Variants in COL24A1 observed in about 807,000 individuals in gnomAD.
COL24A1 encodes collagen type XXIV alpha 1 chain, also known as collagen alpha-1(XXIV) chain.
Under a neutral mutation model 253.9 loss-of-function variants are expected in COL24A1, and 224 were observed. The ratio of observed to expected loss-of-function variants is 0.88; its 90% CI spans 0.79 to 0.99. The LOEUF (loss-of-function observed/expected upper bound fraction) is 0.99, where lower values mean the gene tolerates loss of function less well. COL24A1 is among the 50% of genes least tolerant of loss of function. The probability of loss-of-function intolerance (pLI) is 0.00; values close to 1 mark genes in which losing one functional copy is unlikely to be tolerated. For synonymous variants in COL24A1, 685 were observed against 673.7 expected, an observed-to-expected ratio of 1.02 and a Z score of -0.26; for missense variants, 2,131 against 2,068.5, an observed-to-expected ratio of 1.03 and a Z score of -0.59.
intron 47 of COL24A1, among the ~76,000 whole-genome samples, chr1:85,808,414 G>A (rs1329035572): frequency 1.3e-5 from 2 of 152,174 alleles, no homozygotes; most frequent in African/African-American, 4.8e-5. Flanking sequence ...ATAGCCACTG[G>A]CAACAACAGC....
rs963281417 is a variant in COL24A1, at chr1:85,932,472, C to G, written c.2563-21039G>C. ...GAGAGGATGCGGAGAAATAGGAACA[C>G]TTTTACACTGTTGGTGGGACTGTAA... On this transcript the variant is annotated intron_variant, in intron 24 of 59. Transcript: ENST00000370571. Among the ~76,000 whole-genome samples, 14 of 120,004 alleles carry G rather than the reference C, an allele frequency of 1.2e-4. 1 individual carries two copies. Among genetic ancestry groups the G allele is most frequent in the African/African-American group, 2.1e-4 (6 of 28,866 alleles). The allele number at this position is 120,004 out of a possible 152,430, so 78.7% of individuals were successfully genotyped here. A position where few individuals can be genotyped will look rare whatever the true frequency, so the allele number is the denominator to read the frequency against.
At chr1:85,820,547 T>C (rs975725322) in intron 45 of COL24A1, among the ~76,000 whole-genome samples, 1 of 152,170 alleles carries the variant, frequency 6.6e-6, no homozygotes, top group Non-Finnish European at 1.5e-5. Context: ...AAAGTGATGA[T>C]GTGCATTTCA....
At chr1:85,739,080 C>G (rs1557941469) in intron 57 of COL24A1, among the ~76,000 whole-genome samples, 1 of 152,068 alleles carries the variant, frequency 6.6e-6, no homozygotes, top group East Asian at 1.9e-4. Context: ...CATTCCTAGT[C>G]CCTTATCTTC....
chr1:86,016,888 G>GT (rs1697041523), intron 19 of COL24A1, among the ~76,000 whole-genome samples: 1 of 152,120 alleles, frequency 6.6e-6, no homozygotes. Context: ...TCAAGTACTT[G>GT]TTATTAATAG....
chr1:85,981,825 A>G (rs1465281323), intron 20 of COL24A1, among the ~76,000 whole-genome samples: 1 of 152,180 alleles, frequency 6.6e-6, no homozygotes. Context: ...TGGGCTAAAA[A>G]TTGGAGAAAG....
chr1:85,783,444 G>C (rs374792926), intron 51 of COL24A1, 52 bp downstream of exon 51: 2 of 1,468,118 alleles, frequency 1.4e-6, no homozygotes, highest in African/African-American at 2.8e-5. Context: ...CTTAAGCCCT[G>C]CAGTAAGCAA....
chr1:85,882,638 A>T (rs982611664), intron 32 of COL24A1, among the ~76,000 whole-genome samples: 1 of 152,160 alleles, frequency 6.6e-6, no homozygotes, highest in African/African-American at 2.4e-5. Flanking sequence ...TAGTTGACTT[A>T]CGGTACTAAC....
chr1:85,754,079 C>T (rs1299781427), intron 55 of COL24A1, among the ~76,000 whole-genome samples: 1 of 6,236 alleles, frequency 1.6e-4, no homozygotes, highest in Admixed American at 1.2e-3. Context: ...TATAAAGACA[C>T]ATGCACACGT....
intron 47 of COL24A1, among the ~76,000 whole-genome samples, chr1:85,803,307 G>C (rs1205289234): frequency 1.3e-5 from 2 of 151,942 alleles, no homozygotes; most frequent in South Asian, 4.2e-4. Context: ...GCATGCACCT[G>C]TAATCCCAGC....
chr1:86,135,241 G>A (rs916703772), intron 2 of COL24A1, among the ~76,000 whole-genome samples: 1 of 151,930 alleles, frequency 6.6e-6, no homozygotes, highest in African/African-American at 2.4e-5. Flanking sequence ...GCCTATGTGT[G>A]TCTCTGCACG....
At chr1:85,866,068 G>A (rs1359305409) in intron 37 of COL24A1, among the ~76,000 whole-genome samples, 2 of 152,148 alleles carry the variant, frequency 1.3e-5, no homozygotes, top group Non-Finnish European at 1.5e-5. Flanking sequence ...TTTGAGAACA[G>A]CCTGGCCAAC....
chr1:86,153,454 G>A (rs1258044267), intron 1 of COL24A1, among the ~76,000 whole-genome samples: 1 of 152,180 alleles, frequency 6.6e-6, no homozygotes, highest in Non-Finnish European at 1.5e-5. Context: ...ACAGAATAAT[G>A]TTAGCCTTTT....
intron 5 of COL24A1, among the ~76,000 whole-genome samples, chr1:86,102,592 TAGTTTCAA>T (rs1281103382): frequency 2.0e-5 from 3 of 152,216 alleles, no homozygotes; most frequent in African/African-American, 7.2e-5. Context: ...TTGTTCTCAT[TAGTTTCAA>T]AGAACTTCTT....
intron 2 of COL24A1, among the ~76,000 whole-genome samples, chr1:86,141,743 C>A (rs1651118201): frequency 6.6e-6 from 1 of 151,504 alleles, no homozygotes; most frequent in Non-Finnish European, 1.5e-5. Flanking sequence ...CTCTGTCAGC[C>A]AGGCTGGAGT....
chr1:85,805,963 C>T (rs1051588509), intron 47 of COL24A1, among the ~76,000 whole-genome samples: 1 of 151,416 alleles, frequency 6.6e-6, no homozygotes, highest in African/African-American at 2.4e-5. Context: ...GTAGTCCCAG[C>T]TACTCTGGAG....
intron 19 of COL24A1, among the ~76,000 whole-genome samples, chr1:86,013,310 A>T (rs778703193): frequency 6.6e-6 from 1 of 152,206 alleles, no homozygotes. Context: ...ATGCTTTCAC[A>T]TTGTAACATC....
Position 85,944,793 on chromosome 1 carries a change from C to T in COL24A1, c.2562+16456G>A, listed in dbSNP as rs1571318615. On this transcript the variant is annotated intron_variant, in intron 24 of 59. Coordinates refer to ENST00000370571, the MANE Select transcript of COL24A1 (RefSeq NM_152890.7). ...TCCCCAGAGTGTGATGTTCCCCTTC[C>T]TGTGTCCATGTGTTCTCATTGTTCA... 3.3e-5 allele frequency among the ~76,000 whole-genome samples: 5 copies of T among 151,896 alleles called. No individual in the cohort carries two copies. In the South Asian group the frequency reaches 1.0e-3, roughly 32 times the overall value.
chr1:85,994,500 G>A (rs762370369), intron 19 of COL24A1, among the ~76,000 whole-genome samples: 3 of 151,632 alleles, frequency 2.0e-5, no homozygotes, highest in Non-Finnish European at 2.9e-5. Flanking sequence ...GAGGGAGAGA[G>A]GTTTTGTAAG....
intron 19 of COL24A1, among the ~76,000 whole-genome samples, chr1:86,000,813 A>C (rs1055739486): frequency 6.6e-6 from 1 of 152,178 alleles, no homozygotes; most frequent in African/African-American, 2.4e-5. Flanking sequence ...CAAGTACATC[A>C]TCCAAAATTC....
Sources: gnomAD v4.1 joint callset for allele counts (sites outside exome capture counted in the v4.1 genomes callset) on GRCh38, gnomAD v4.1.1 for gene constraint, MANE v1.5 for transcripts, NCBI Gene and HGNC (gene_info 2026-07-23, HGNC 2026-07-21) for gene names.